The following ANK3 variants were observed in gnomAD, a reference collection of about 807,000 sequenced individuals.
ANK3 encodes ankyrin 3.
ANK3 carries 57 observed loss-of-function variants against 370.9 expected under a neutral mutation model. That is an observed-to-expected ratio of 0.15 (90% CI 0.12 to 0.19). The LOEUF (loss-of-function observed/expected upper bound fraction) is 0.19. Among genes scored for constraint, ANK3 ranks in the 10% least tolerant of loss-of-function variants. The probability of loss-of-function intolerance (pLI) is 1.00; values close to 1 mark genes in which losing one functional copy is unlikely to be tolerated. For missense variants in ANK3, 4,439 were observed against 5,302.1 expected, an observed-to-expected ratio of 0.84 and a Z score of 5.06; for synonymous variants, 1,929 against 1,946.3, an observed-to-expected ratio of 0.99 and a Z score of 0.23.
At chr10:60,114,897 C>T (rs781196600) in intron 25 of ANK3, among the ~76,000 whole-genome samples, 19 of 152,078 alleles carry the variant, frequency 1.2e-4, no homozygotes, top group Admixed American at 2.6e-4. Context: ...TTTCTGTTGC[C>T]CATTTTTAAC....
chr10:60,252,171 A>G (rs1016635075), intron 7 of ANK3, among the ~76,000 whole-genome samples: 2 of 152,146 alleles, frequency 1.3e-5, no homozygotes, highest in African/African-American at 4.8e-5. Context: ...CCTAACCTCT[A>G]CACTCTAGGT....
intron 7 of ANK3, among the ~76,000 whole-genome samples, chr10:60,250,440 C>T (rs2097638107): frequency 1.3e-5 from 2 of 152,228 alleles, no homozygotes; most frequent in African/African-American, 2.4e-5. Context: ...TCTCGGCTCA[C>T]TGCAAGCTCT....
intron 2 of ANK3, among the ~76,000 whole-genome samples, chr10:60,415,385 C>T (rs1465725407): frequency 6.6e-6 from 1 of 152,084 alleles, no homozygotes; most frequent in Non-Finnish European, 1.5e-5. Context: ...TAAAAAGAAC[C>T]TTTAAATTCC....
At chr10:60,154,094 GAGAGATACA>G (rs1249517336) in intron 23 of ANK3, among the ~76,000 whole-genome samples, 2 of 152,198 alleles carry the variant, frequency 1.3e-5, no homozygotes, top group Non-Finnish European at 2.9e-5. Context: ...CTTTATCCCT[GAGAGATACA>G]AGCAATTATG....
At chr10:60,483,451 C>G (rs1239379416) in intron 2 of ANK3, among the ~76,000 whole-genome samples, 1 of 152,070 alleles carries the variant, frequency 6.6e-6, no homozygotes, top group African/African-American at 2.4e-5. Context: ...GTTTTGCAAC[C>G]CTTGCCGCCC....
chr10:60,660,114 T>G (rs181885348), intron 1 of ANK3, among the ~76,000 whole-genome samples: 148 of 152,256 alleles, frequency 9.7e-4, no homozygotes, highest in Non-Finnish European at 2.4e-4. Context: ...ATGCCTTTCT[T>G]GTGGCACCTG....
At chr10:60,063,035 A>C (rs1048550253) in intron 40 of ANK3, 76 bp downstream of exon 40, 2 of 1,432,602 alleles carry the variant, frequency 1.4e-6, no homozygotes, top group Non-Finnish European at 1.9e-6. Context: ...AGTTGCTTTT[A>C]AGTGACTGCC....
chr10:60,504,384 T>TC (rs1244162768), intron 2 of ANK3, among the ~76,000 whole-genome samples: 1 of 152,148 alleles, frequency 6.6e-6, no homozygotes, highest in African/African-American at 2.4e-5. Flanking sequence ...ATTAAAGGGT[T>TC]CACTTTGTCT....
At chr10:60,504,464 T>G (rs1408873391) in intron 2 of ANK3, among the ~76,000 whole-genome samples, 1 of 152,196 alleles carries the variant, frequency 6.6e-6, no homozygotes, top group East Asian at 1.9e-4. Flanking sequence ...AAAGACTTAT[T>G]GGGTAGGAAA....
intron 2 of ANK3, among the ~76,000 whole-genome samples, chr10:60,435,002 A>G (rs1323018857): frequency 1.3e-5 from 2 of 152,216 alleles, no homozygotes; most frequent in African/African-American, 4.8e-5. Flanking sequence ...GCAACGAACT[A>G]TAAGCATAAC....
chr10:60,140,999 T>C (rs575766071), intron 23 of ANK3: 3 of 985,520 alleles, frequency 3.0e-6, no homozygotes, highest in Non-Finnish European at 3.6e-6. Flanking sequence ...AGGCAAACTT[T>C]CAACTTTGTT....
intron 2 of ANK3, among the ~76,000 whole-genome samples, chr10:60,604,794 C>G (rs1270018019): frequency 1.3e-5 from 2 of 152,134 alleles, no homozygotes; most frequent in African/African-American, 4.8e-5. Context: ...GAGGAGATAA[C>G]TCCCATATAG....
chr10:60,072,208 A>G lies in ANK3; in HGVS notation c.8673T>C (p.Val2891=), dbSNP rs572690907. Residue 2891 remains valine (V), a synonymous_variant, in exon 37 of 44, where the codon GTT becomes GTC. Coordinates refer to ENST00000280772, the MANE Select transcript of ANK3 (RefSeq NM_020987.5). ...CAGACATAAATTCATTCTTTTGATC[A>G]ACACTTTTACTCTCAGGGTGACCAA... ...NHIGHPESKS[V]DQKNEFMSVT... is the part of the protein sequence containing the mutation. 1.9e-6 allele frequency: 3 copies of G among 1,613,918 alleles called. No homozygotes were observed. The South Asian group carries it at 3.3e-5, about 18-fold the overall frequency.
intron 1 of ANK3, chr10:60,300,463 C>T: frequency 7.8e-7 from 1 of 1,283,646 alleles, no homozygotes; most frequent in South Asian, 1.2e-5. Flanking sequence ...CCCCCACTTC[C>T]TAGGAAGGAG....
chr10:60,361,991 T>C (rs1316609103), intron 1 of ANK3, among the ~76,000 whole-genome samples: 1 of 152,156 alleles, frequency 6.6e-6, no homozygotes, highest in Admixed American at 6.5e-5. Context: ...GAAGAGATAA[T>C]CATTATTTAA....
At position 60,083,626 on chromosome 10, in the gene ANK3, G is replaced by A. The variant is rs577809431; in HGVS notation, c.4075-9C>T. The A allele has an allele frequency of 2.5e-6, 4 of 1,574,456 alleles. No individual in the cohort carries two copies. The East Asian group carries it at 6.8e-5, about 27-fold the overall frequency. On this transcript the variant is annotated splice_polypyrimidine_tract_variant and intron_variant, in intron 32 of 43. Coordinates refer to ENST00000280772, the MANE Select transcript of ANK3 (RefSeq NM_020987.5). The stretch of plus-strand genomic sequence containing the variant: ...GGTTTTCCTTCCAGAACCTTTTAGA[G>A]TAAAAGAAATAAACAATTTAATGTT...
intron 1 of ANK3, among the ~76,000 whole-genome samples, chr10:60,319,230 T>C (rs80208784): frequency 0.026 from 3,965 of 152,342 alleles, 159 homozygotes; most frequent in African/African-American, 0.087. Flanking sequence ...GGCTTTGTTA[T>C]GTTTTATTTC....
At chr10:60,168,179 C>T (rs777062747) in intron 21 of ANK3, among the ~76,000 whole-genome samples, 1 of 152,128 alleles carries the variant, frequency 6.6e-6, no homozygotes, top group South Asian at 2.1e-4. Flanking sequence ...ACGTGCATGG[C>T]CACGCCCAGC....
intron 2 of ANK3, among the ~76,000 whole-genome samples, chr10:60,449,798 A>G (rs992963450): frequency 6.6e-6 from 1 of 152,196 alleles, no homozygotes. Context: ...GAAATAAGAC[A>G]ACTCCATATA....
Sources: allele counts gnomAD v4.1 joint callset (sites outside exome capture counted in the v4.1 genomes callset), GRCh38; gene constraint gnomAD v4.1.1; transcripts MANE v1.5; gene names NCBI Gene and HGNC (gene_info 2026-07-23, HGNC 2026-07-21).